Variants in GAPDH observed in about 807,000 individuals in gnomAD.
The protein encoded by GAPDH is glyceraldehyde-3-phosphate dehydrogenase, also known as OCAS, p38 component.
GAPDH carries 13 observed loss-of-function variants against 31.2 expected under a neutral mutation model. The observed-to-expected ratio is 0.42, with a 90% CI of 0.27 to 0.66. The LOEUF (loss-of-function observed/expected upper bound fraction) is 0.66. Among genes scored for constraint, GAPDH ranks in the 30% least tolerant of loss-of-function variants. The probability of loss-of-function intolerance (pLI) is 0.26; values close to 1 mark genes in which losing one functional copy is unlikely to be tolerated. For missense variants in GAPDH, 300 were observed against 443.7 expected, an observed-to-expected ratio of 0.68 and a Z score of 2.91; for synonymous variants, 211 against 166.9, an observed-to-expected ratio of 1.26 and a Z score of -2.04.
intron 2 of GAPDH, 116 bp downstream of exon 2, chr12:6,534,977 C>A: frequency 8.4e-7 from 1 of 1,197,060 alleles, no homozygotes; most frequent in African/African-American, 1.5e-5. Flanking sequence ...CTGTTCCCCG[C>A]AAGGAGAGCT....
intron 2 of GAPDH, chr12:6,535,074 A>C (rs1946432125): frequency 2.6e-6 from 2 of 777,950 alleles, no homozygotes; most frequent in Non-Finnish European, 3.9e-6. Context: ...ATCTGCCCGG[A>C]GCCTCCTTCC....
chr12:6,537,930 ACTC>A lies in GAPDH; in HGVS notation c.877_879del (p.Ser293del), dbSNP rs1204026406. 6.2e-7 allele frequency: 1 copy of A among 1,613,808 alleles called. No individual in the cohort carries two copies. On this transcript the variant is annotated inframe_deletion, in exon 8 of 9. Coordinates refer to ENST00000229239, the MANE Select transcript of GAPDH (RefSeq NM_002046.7). This position sits in a 1 kb window ranked among gnomAD's most constrained non-coding sequence, Gnocchi z 4.9. ...TCCTCTGACTTCAACAGCGACACCC[ACTC>A]CTCCACCTTTGACGCTGGGGCTGGC... is the stretch of plus-strand genomic sequence containing the variant.
At position 6,534,832 on chromosome 12, in the gene GAPDH, C is replaced by G; in HGVS notation, c.-1C>G. 2 of 1,613,590 alleles carry G rather than the reference C, an allele frequency of 1.2e-6. No homozygotes were observed. The highest frequency in any genetic ancestry group is 1.7e-6 in the Non-Finnish European group (2 of 1,179,772). On this transcript the variant is annotated 5_prime_UTR_variant, in exon 2 of 9. Transcript: ENST00000229239. ...CAGCCGAGCCACATCGCTCAGACAC[C>G]ATGGGGAAGGTGAAGGTCGGAGTCA...
chr12:6,535,201 CCCTCCCCCACGG>C (rs1402240826), intron 2 of GAPDH: 3 of 1,102,182 alleles, frequency 2.7e-6, no homozygotes, highest in East Asian at 4.9e-5. Context: ...GCAGAGGAGC[CCCTCCCCCACGG>C]CCTCCGGCAC....
Position 6,537,641 on chromosome 12 carries a change from C to T in GAPDH, c.583C>T (p.Leu195=), listed in dbSNP as rs376796183. 4.3e-6 allele frequency: 7 copies of T among 1,611,582 alleles called. No homozygotes were observed. In the African/African-American group the frequency reaches 9.3e-5, roughly 22 times the overall value. Residue 195 remains leucine (L), a synonymous_variant, in exon 8 of 9, where the codon CTG becomes TTG. Coordinates refer to ENST00000229239, the MANE Select transcript of GAPDH (RefSeq NM_002046.7). The surrounding 1 kb of genome is among the most constrained non-coding windows in gnomAD (Gnocchi z 4.9). ...GACTGTGGATGGCCCCTCCGGGAAA[C>T]TGTGGCGTGATGGCCGCGGGGCTCT... ...QKTVDGPSGK[L]WRDGRGALQN... is the part of the protein sequence containing the mutation.
At chr12:6,535,894 C>G (rs934678882) in intron 2 of GAPDH, among the ~76,000 whole-genome samples, 1 of 150,400 alleles carries the variant, frequency 6.6e-6, no homozygotes, top group Non-Finnish European at 1.5e-5. Context: ...CATGCACTTA[C>G]CTGTGCTCCC....
In GAPDH at chr12:6,536,604, C is replaced by T; in HGVS notation, c.129+11C>T. On this transcript the variant is annotated intron_variant, in intron 3 of 8. Coordinates refer to ENST00000229239, the MANE Select transcript of GAPDH (RefSeq NM_002046.7). The stretch of plus-strand genomic sequence containing the variant: ...GACCTCAACTACATGGTGAGTGCTA[C>T]ATGGTGAGCCCCAAAGCTGGTGTGG... 3 of 1,610,872 alleles carry T rather than the reference C, an allele frequency of 1.9e-6. No individual in the cohort carries two copies. The highest frequency in any genetic ancestry group is 2.2e-5 in the South Asian group (2 of 90,940).
intron 1 of GAPDH, 44 bp from the exon 2 acceptor site, chr12:6,534,766 C>G: frequency 1.3e-6 from 2 of 1,555,332 alleles, no homozygotes; most frequent in Non-Finnish European, 1.8e-6. Context: ...GCGTGTGTGT[C>G]GGCCGGGGCC....
In GAPDH at chr12:6,538,321, G is replaced by A. The variant is rs1946537429; in HGVS notation, c.*151G>A. ...ACCCCTTGAAGAGGGGAGGGGCCTA[G>A]GGAGCCGCACCTTGTCATGTACCAT... is the stretch of plus-strand genomic sequence containing the variant. On this transcript the variant is annotated 3_prime_UTR_variant, in exon 9 of 9. Transcript: ENST00000229239. The A allele has an allele frequency of 1.5e-6, 1 of 657,554 alleles. No individual in the cohort carries two copies. The highest frequency in any genetic ancestry group is 1.8e-5 in the African/African-American group (1 of 55,086). 40.7% of individuals were successfully genotyped at this position (657,554 alleles called of 1,614,324 possible).
At chr12:6,534,972 C>T (rs1008533969) in intron 2 of GAPDH, 111 bp downstream of exon 2, 6 of 1,245,052 alleles carry the variant, frequency 4.8e-6, no homozygotes, top group Admixed American at 2.0e-5. Flanking sequence ...GGTAGCTGTT[C>T]CCCGCAAGGA....
rs766348481 is a variant in GAPDH at position 6,537,079 on chromosome 12, ACTGT to A, written c.328-18_328-15del. 5.6e-6 allele frequency: 9 copies of A among 1,609,322 alleles called. No homozygotes were observed. The highest frequency in any genetic ancestry group is 4.5e-5 in the East Asian group (2 of 44,614). On this transcript the variant is annotated intron_variant, in intron 5 of 8. Transcript: ENST00000229239. The surrounding 1 kb of genome is among the most constrained non-coding windows in gnomAD (Gnocchi z 4.9). ...TGCAAAGGCAGGACCCGGGTTCATA[ACTGT>A]CTGCTTCTCTGCTGTAGGCTCATTT... is the stretch of plus-strand genomic sequence containing the variant.
chr12:6,534,612 T>C, intron 1 of GAPDH, 43 bp downstream of exon 1: 1 of 588,090 alleles, frequency 1.7e-6, no homozygotes, highest in South Asian at 2.0e-5. Context: ...AGGGACGGCC[T>C]GAAGGCGGCA....
In GAPDH at chr12:6,534,704, C is replaced by T. The variant is rs553144566; in HGVS notation, c.-23-106C>T. ...CCGCATTGCAGGGGCGGGCGGAGGACGTGATGCGGCGCGGGCTGGGCATGG... is the reference window on the plus strand; with the variant it reads ...CCGCATTGCAGGGGCGGGCGGAGGATGTGATGCGGCGCGGGCTGGGCATGG... On this transcript the variant is annotated intron_variant, in intron 1 of 8. Transcript: ENST00000229239. 6.4e-5 allele frequency: 62 copies of T among 974,322 alleles called. No individual in the cohort carries two copies. The South Asian group carries it at 7.5e-4, about 12-fold the overall frequency. 60.4% of individuals were successfully genotyped at this position (974,322 alleles called of 1,614,324 possible). A position where few individuals can be genotyped will look rare whatever the true frequency, so the allele number is the denominator to read the frequency against.
rs773838199 is a variant in GAPDH, at chr12:6,537,289, C to G, written c.444-20C>G. 1.9e-6 allele frequency: 3 copies of G among 1,600,654 alleles called. No homozygotes were observed. The Admixed American group carries it at 5.3e-5, about 29-fold the overall frequency. On this transcript the variant is annotated intron_variant, in intron 6 of 8. Transcript: ENST00000229239. The surrounding 1 kb of genome is among the most constrained non-coding windows in gnomAD (Gnocchi z 4.9). ...GGACACGCTCCCCTGACTTGCGCCC[C>G]GCTCCCTCTTTCTTTGCAGCAATGC...
chr12:6,535,384 G>A (rs997530205), intron 2 of GAPDH: 1 of 989,160 alleles, frequency 1.0e-6, no homozygotes. Context: ...GATGGGTGGA[G>A]TCGCGTGTGG....
rs774833554 is a variant in GAPDH at position 6,537,824 on chromosome 12, G to T, written c.766G>T (p.Asp256Tyr). ...TCRLEKPAKY[D>Y]DIKKVVKQAS... ...CCGTCTAGAAAAACCTGCCAAATAT[G>T]ATGACATCAAGAAGGTGGTGAAGCA... Residue 256 changes from aspartate (D) to tyrosine (Y), a missense_variant, in exon 8 of 9, where the codon GAT (aspartate) becomes TAT (tyrosine). Coordinates refer to ENST00000229239, the MANE Select transcript of GAPDH (RefSeq NM_002046.7). This position sits in a 1 kb window ranked among gnomAD's most constrained non-coding sequence, Gnocchi z 4.9. The T allele has an allele frequency of 6.2e-7, 1 of 1,612,202 alleles. No homozygotes were observed. The highest frequency in any genetic ancestry group is 1.7e-5 in the Admixed American group (1 of 60,018).
chr12:6,534,879 TG>T lies in GAPDH; in HGVS notation c.29+24del, dbSNP rs747077720. On this transcript the variant is annotated intron_variant, in intron 2 of 8. Transcript: ENST00000229239. ...GTCAACGGGTGAGTTCGCGGGTGGC[TG>T]GGGGGCCCTGGGCTGCGACCGCCCC... 12 of 1,611,934 alleles carry T rather than the reference TG, an allele frequency of 7.4e-6. No individual in the cohort carries two copies. Among genetic ancestry groups the T allele is most frequent in the African/African-American group, 1.3e-5 (1 of 74,814 alleles).
chr12:6,538,158 C>T lies in GAPDH; in HGVS notation c.996C>T (p.Ala332=), dbSNP rs11549371. ...TGGTGGACCTCATGGCCCACATGGCCTCCAAGGAGTAAGACCCCTGGACCA... is the reference window on the plus strand; with the variant it reads ...TGGTGGACCTCATGGCCCACATGGCTTCCAAGGAGTAAGACCCCTGGACCA... ...NRVVDLMAHM[A]SKE Residue 332 remains alanine (A), a synonymous_variant, in exon 9 of 9, where the codon GCC becomes GCT. Coordinates refer to ENST00000229239, the MANE Select transcript of GAPDH (RefSeq NM_002046.7). The T allele has an allele frequency of 2.5e-6, 4 of 1,610,376 alleles. No homozygotes were observed. The highest frequency in any genetic ancestry group is 2.2e-5 in the East Asian group (1 of 44,882).
At chr12:6,535,724 T>G (rs1946448824) in intron 2 of GAPDH, among the ~76,000 whole-genome samples, 1 of 152,172 alleles carries the variant, frequency 6.6e-6, no homozygotes, top group South Asian at 2.1e-4. Flanking sequence ...CCGGGAGGAT[T>G]GGGTGTCTGG....
Sources: gnomAD v4.1 joint callset for allele counts (sites outside exome capture counted in the v4.1 genomes callset) on GRCh38, gnomAD v4.1.1 for gene constraint, Gnocchi (gnomAD v3.1) non-coding constraint, MANE v1.5 for transcripts, NCBI Gene and HGNC (gene_info 2026-07-23, HGNC 2026-07-21) for gene names.